C8orf34: variants seen among roughly 807,000 people sequenced by gnomAD.
The protein encoded by C8orf34 is chromosome 8 open reading frame 34, also known as uncharacterized protein C8orf34.
C8orf34 carries 65 observed loss-of-function variants against 68.3 expected under a neutral mutation model. The ratio of observed to expected loss-of-function variants is 0.95; its 90% CI spans 0.78 to 1.17. The LOEUF (loss-of-function observed/expected upper bound fraction) is 1.17, where lower values mean the gene tolerates loss of function less well. C8orf34 is among the 50% of genes most tolerant of loss of function. C8orf34 has a pLI of 0.00. For synonymous variants in C8orf34, 244 were observed against 241.2 expected (o/e 1.01, Z -0.11); for missense variants, 664 against 655.4 (o/e 1.01, Z -0.14).
At chr8:68,337,942 G>T (rs1805919012) in intron 1 of C8orf34, among the ~76,000 whole-genome samples, 1 of 152,108 alleles carries the variant, frequency 6.6e-6, no homozygotes, top group South Asian at 2.1e-4. Context: ...AGTGCTGAGG[G>T]AGACACTTTC....
At chr8:68,731,696 G>C (rs1197249651) in intron 10 of C8orf34, among the ~76,000 whole-genome samples, 1 of 151,964 alleles carries the variant, frequency 6.6e-6, no homozygotes, top group Non-Finnish European at 1.5e-5. Flanking sequence ...CTATCTATTA[G>C]TCTAATTCTA....
intron 7 of C8orf34, among the ~76,000 whole-genome samples, chr8:68,538,474 T>A (rs974117781): frequency 3.3e-5 from 5 of 152,148 alleles, no homozygotes; most frequent in African/African-American, 1.2e-4. Context: ...AGTGCTTTTT[T>A]TTTTTCTTTT....
chr8:68,478,658 GC>G (rs1335765707), intron 4 of C8orf34, among the ~76,000 whole-genome samples: 2 of 152,318 alleles, frequency 1.3e-5, no homozygotes, highest in East Asian at 3.9e-4. Context: ...GGCTGAAGAG[GC>G]CTCAGGAAAC....
At chr8:68,573,803 C>T (rs1395685953) in intron 7 of C8orf34, among the ~76,000 whole-genome samples, 1 of 152,060 alleles carries the variant, frequency 6.6e-6, no homozygotes, top group Admixed American at 6.6e-5. Context: ...TTTAGTGTTG[C>T]ATTTAGCTTT....
intron 7 of C8orf34, among the ~76,000 whole-genome samples, chr8:68,611,058 G>A (rs1172385649): frequency 1.3e-5 from 2 of 151,902 alleles, no homozygotes; most frequent in South Asian, 4.2e-4. Context: ...GTAGAGACAG[G>A]GTTTCTCCAT....
At chr8:68,350,614 C>G (rs896548072) in intron 1 of C8orf34, among the ~76,000 whole-genome samples, 16 of 152,074 alleles carry the variant, frequency 1.1e-4, no homozygotes, top group African/African-American at 3.6e-4. Flanking sequence ...TCTAGGTACT[C>G]CTGTGTTGTG....
At chr8:68,795,726 T>A (rs918804697) in intron 12 of C8orf34, among the ~76,000 whole-genome samples, 4 of 152,336 alleles carry the variant, frequency 2.6e-5, no homozygotes, top group Admixed American at 2.6e-4. Context: ...TATGTAGAGC[T>A]TTATGGAGTC....
intron 13 of C8orf34, among the ~76,000 whole-genome samples, chr8:68,816,794 G>GA (rs1824833286): frequency 6.6e-6 from 1 of 152,040 alleles, no homozygotes. Context: ...AATAAAGCAT[G>GA]AAAAATGTTT....
chr8:68,794,505 A>ATATATTTTTTTTTTTTTT (rs1313909362), intron 12 of C8orf34, among the ~76,000 whole-genome samples: 1 of 62,252 alleles, frequency 1.6e-5, no homozygotes, highest in African/African-American at 1.2e-4. Context: ...ATATATATAT[A>ATATATTTTTTTTTTTTTT]TTTTTTTTTT....
chr8:68,597,744 G>T (rs4439109), intron 7 of C8orf34, among the ~76,000 whole-genome samples: 10,427 of 152,038 alleles, frequency 0.069, 424 homozygotes, highest in Middle Eastern at 0.13. Context: ...TTTAAACCCA[G>T]GTTAAGCCTT....
intron 1 of C8orf34, among the ~76,000 whole-genome samples, chr8:68,415,503 T>C (rs887207468): frequency 6.6e-5 from 10 of 151,476 alleles, no homozygotes; most frequent in Admixed American, 4.6e-4. Flanking sequence ...AAAAAAAAAG[T>C]GTATGGAGAG....
rs977078218 is a variant in C8orf34 at position 68,713,033 on chromosome 8, G to A, written c.1327+3954G>A. Among the ~76,000 whole-genome samples the A allele has an allele frequency of 8.3e-4, 126 of 152,188 alleles. 1 individual carries two copies. The highest frequency in any genetic ancestry group is 9.6e-4 in the Non-Finnish European group (65 of 67,968). Reference sequence around the variant, plus strand: ...CTCCAAAAGGAAGCCACAAAACCATGCAAATACATGGAAATTAAATAACCT... The same window carrying A: ...CTCCAAAAGGAAGCCACAAAACCATACAAATACATGGAAATTAAATAACCT... On this transcript the variant is annotated intron_variant, in intron 9 of 13. Coordinates refer to ENST00000518698, the MANE Select transcript of C8orf34 (RefSeq NM_052958.4).
chr8:68,581,584 G>T (rs1308518360), intron 7 of C8orf34, among the ~76,000 whole-genome samples: 1 of 152,054 alleles, frequency 6.6e-6, no homozygotes, highest in Non-Finnish European at 1.5e-5. Context: ...CAAAAGTCAG[G>T]GTGTCAAGGT....
At chr8:68,608,977 G>A (rs1425065945) in intron 7 of C8orf34, among the ~76,000 whole-genome samples, 1 of 152,052 alleles carries the variant, frequency 6.6e-6, no homozygotes, top group East Asian at 1.9e-4. Flanking sequence ...AATCTGCCTG[G>A]GCAACATAGT....
At chr8:68,397,264 A>C (rs1808756392) in intron 1 of C8orf34, among the ~76,000 whole-genome samples, 1 of 152,076 alleles carries the variant, frequency 6.6e-6, no homozygotes, top group East Asian at 1.9e-4. Flanking sequence ...TCAGCTTCCC[A>C]AAGTGCTGGG....
At chr8:68,467,179 C>G (rs1394046654) in intron 3 of C8orf34, among the ~76,000 whole-genome samples, 1 of 151,938 alleles carries the variant, frequency 6.6e-6, no homozygotes, top group Non-Finnish European at 1.5e-5. Flanking sequence ...CCCATCTCAT[C>G]CTGGCCCTAT....
At chr8:68,553,377 T>C (rs1816141423) in intron 7 of C8orf34, among the ~76,000 whole-genome samples, 1 of 99,290 alleles carries the variant, frequency 1.0e-5, no homozygotes, top group African/African-American at 4.6e-5. Context: ...AGAGCGAGAC[T>C]CCATCTCAAA....
intron 7 of C8orf34, among the ~76,000 whole-genome samples, chr8:68,555,678 G>T (rs1179966835): frequency 6.6e-6 from 1 of 151,992 alleles, no homozygotes; most frequent in Non-Finnish European, 1.5e-5. Flanking sequence ...CAATAATAAT[G>T]TATATATTTT....
chr8:68,472,488 G>T (rs1037239088), intron 4 of C8orf34, among the ~76,000 whole-genome samples: 3 of 152,108 alleles, frequency 2.0e-5, no homozygotes, highest in Admixed American at 6.6e-5. Flanking sequence ...ATTTGAGGGT[G>T]TGAAAACCCT....
Sources: allele counts gnomAD v4.1 joint callset (sites outside exome capture counted in the v4.1 genomes callset), GRCh38; gene constraint gnomAD v4.1.1; transcripts MANE v1.5; gene names NCBI Gene and HGNC (gene_info 2026-07-23, HGNC 2026-07-21).